Variants in DLGAP2 observed in about 807,000 individuals in gnomAD.
The protein encoded by DLGAP2 is disks large-associated protein 2.
DLGAP2 carries 26 observed loss-of-function variants against 100.3 expected under a neutral mutation model. The ratio of observed to expected loss-of-function variants is 0.26; its 90% CI spans 0.19 to 0.36. The LOEUF (loss-of-function observed/expected upper bound fraction) is 0.36, where lower values mean the gene tolerates loss of function less well. DLGAP2 is among the 10% of genes least tolerant of loss of function. The pLI is 1.00. For synonymous variants in DLGAP2, 886 were observed against 630.1 expected (o/e 1.41, Z -6.08); for missense variants, 1,858 against 1,453.2 (o/e 1.28, Z -4.53).
At chr8:1,456,768 A>T (rs13259582) in intron 3 of DLGAP2, among the ~76,000 whole-genome samples, 236 of 6,246 alleles carry the variant, frequency 0.038, 1 homozygote, top group South Asian at 0.015. Context: ...CAGGCTGTGC[A>T]CTGGTGAAAT....
intron 3 of DLGAP2, among the ~76,000 whole-genome samples, chr8:1,411,903 A>G (rs1403703953): frequency 6.6e-6 from 1 of 151,984 alleles, no homozygotes; most frequent in African/African-American, 2.4e-5. Context: ...TGCAAGTGGG[A>G]CACAGAGTGT....
At chr8:1,036,799 C>T (rs1477473656) in intron 2 of DLGAP2, among the ~76,000 whole-genome samples, 1 of 152,154 alleles carries the variant, frequency 6.6e-6, no homozygotes, top group Non-Finnish European at 1.5e-5. Context: ...AGAAAAGTGT[C>T]AATAGGCAGT....
chr8:850,165 A>T (rs552329111), intron 1 of DLGAP2, among the ~76,000 whole-genome samples: 1 of 151,946 alleles, frequency 6.6e-6, no homozygotes, highest in African/African-American at 2.4e-5. Context: ...ACATTTGCAG[A>T]TATATCTCCC....
chr8:1,607,258 T>G (rs1269869497), intron 6 of DLGAP2, among the ~76,000 whole-genome samples: 1 of 152,248 alleles, frequency 6.6e-6, no homozygotes, highest in Non-Finnish European at 1.5e-5. Context: ...CTCTAAAGAT[T>G]TACAGAGACA....
chr8:870,459 C>T (rs748987720), intron 1 of DLGAP2, among the ~76,000 whole-genome samples: 3 of 152,134 alleles, frequency 2.0e-5, no homozygotes, highest in Non-Finnish European at 2.9e-5. Flanking sequence ...CTTGGCACCC[C>T]GGCTTGAAAA....
chr8:1,203,891 T>C (rs925639079), intron 2 of DLGAP2, among the ~76,000 whole-genome samples: 21 of 151,374 alleles, frequency 1.4e-4, no homozygotes, highest in African/African-American at 4.9e-4. Context: ...AGGAAGTGCC[T>C]GTATCAGGAC....
Position 1,137,983 on chromosome 8 carries a change from C to G in DLGAP2, c.74-120868C>G, listed in dbSNP as rs866875252. On this transcript the variant is annotated intron_variant, in intron 2 of 14. Coordinates refer to ENST00000637795, the MANE Select transcript of DLGAP2 (RefSeq NM_001346810.2). ...AACTCCTGGCCTCAAGCAATCCACC[C>G]GCCTCAGCCTCCCATCATGTAGGAT... 3.9e-5 allele frequency among the ~76,000 whole-genome samples: 6 copies of G among 152,222 alleles called. No homozygotes were observed. The South Asian group carries it at 1.2e-3, about 32-fold the overall frequency.
At chr8:1,158,647 G>A (rs1404610459) in intron 2 of DLGAP2, among the ~76,000 whole-genome samples, 6 of 152,200 alleles carry the variant, frequency 3.9e-5, no homozygotes, top group Admixed American at 2.0e-4. Context: ...GTTTGAACCC[G>A]CAGACGGCCG....
intron 3 of DLGAP2, among the ~76,000 whole-genome samples, chr8:1,312,444 G>A (rs1800635149): frequency 6.6e-6 from 1 of 152,176 alleles, no homozygotes; most frequent in African/African-American, 2.4e-5. Context: ...TCCAGTAACA[G>A]ATTGGTATCC....
chr8:1,122,378 C>T (rs1042694864), intron 2 of DLGAP2, among the ~76,000 whole-genome samples: 4 of 152,142 alleles, frequency 2.6e-5, no homozygotes, highest in African/African-American at 9.7e-5. Flanking sequence ...CTAGGATGGG[C>T]TGATCTTTAC....
chr8:1,481,096 T>C (rs1340422502), intron 3 of DLGAP2, among the ~76,000 whole-genome samples: 1 of 151,766 alleles, frequency 6.6e-6, no homozygotes, highest in East Asian at 1.9e-4. Context: ...GGCGTGAACC[T>C]GGGAGGCGGA....
intron 2 of DLGAP2, among the ~76,000 whole-genome samples, chr8:1,231,119 C>G (rs963943431): frequency 2.0e-5 from 3 of 152,072 alleles, no homozygotes; most frequent in Non-Finnish European, 2.9e-5. Context: ...TACACAGAAT[C>G]TATAAGAAAC....
intron 2 of DLGAP2, among the ~76,000 whole-genome samples, chr8:1,202,296 ATG>A (rs35325269): frequency 1.3e-5 from 2 of 149,416 alleles, no homozygotes; most frequent in Admixed American, 1.3e-4. Context: ...TATGTAGTAT[ATG>A]TGTGTGTGTG....
intron 8 of DLGAP2, among the ~76,000 whole-genome samples, chr8:1,652,944 G>T (rs1237114786): frequency 6.6e-6 from 1 of 152,176 alleles, no homozygotes; most frequent in Non-Finnish European, 1.5e-5. Flanking sequence ...AGCCTCTCCG[G>T]TCCATATGCC....
At chr8:1,337,415 TGAGGA>T in intron 3 of DLGAP2, among the ~76,000 whole-genome samples, 5 of 142,152 alleles carry the variant, frequency 3.5e-5, no homozygotes, top group Non-Finnish European at 7.5e-5. Context: ...ATGGTGATGG[TGAGGA>T]TGATGGTGAT....
chr8:1,045,389 G>T (rs763074496), intron 2 of DLGAP2, among the ~76,000 whole-genome samples: 24 of 152,298 alleles, frequency 1.6e-4, no homozygotes, highest in Non-Finnish European at 2.9e-4. Context: ...AATACAAATT[G>T]TATATGTCTA....
intron 1 of DLGAP2, among the ~76,000 whole-genome samples, chr8:850,060 A>G (rs145218929): frequency 2.3e-5 from 1 of 43,784 alleles, no homozygotes; most frequent in Non-Finnish European, 5.0e-5. Context: ...GAGACTGTCT[A>G]AAAAAAAAAA....
chr8:1,455,949 A>T (rs1798299418), intron 3 of DLGAP2, among the ~76,000 whole-genome samples: 1 of 152,200 alleles, frequency 6.6e-6, no homozygotes, highest in African/African-American at 2.4e-5. Flanking sequence ...CGAGGCCCCC[A>T]GCATGTGGTC....
intron 6 of DLGAP2, among the ~76,000 whole-genome samples, chr8:1,614,852 C>T (rs893031324): frequency 6.6e-6 from 1 of 151,840 alleles, no homozygotes; most frequent in South Asian, 2.1e-4. Flanking sequence ...CGTGCACACA[C>T]GTGCACACGC....
Sources: allele counts gnomAD v4.1 joint callset (sites outside exome capture counted in the v4.1 genomes callset), GRCh38; gene constraint gnomAD v4.1.1; transcripts MANE v1.5; gene names NCBI Gene and HGNC (gene_info 2026-07-23, HGNC 2026-07-21).